HROB: variants seen among roughly 807,000 people sequenced by gnomAD.
HROB encodes homologous recombination OB-fold protein.
Under a neutral mutation model 61.0 loss-of-function variants are expected in HROB, and 44 were observed. That is an observed-to-expected ratio of 0.72 (90% confidence interval 0.57 to 0.93). HROB has a LOEUF of 0.93. HROB is among the 40% of genes least tolerant of loss of function. The pLI is 0.00. For missense variants in HROB, 716 were observed against 796.2 expected (o/e 0.90, Z 1.21); for synonymous variants, 301 against 310.4 (o/e 0.97, Z 0.32).
chr17:44,153,489 C>T (rs183096087), intron 5 of HROB, among the ~76,000 whole-genome samples: 1 of 151,944 alleles, frequency 6.6e-6, no homozygotes, highest in Non-Finnish European at 1.5e-5. Flanking sequence ...CGTGGTGGCT[C>T]ACACCTATAA....
chr17:44,159,137 A>G (rs2054057361), intron 9 of HROB, among the ~76,000 whole-genome samples: 1 of 152,128 alleles, frequency 6.6e-6, no homozygotes, highest in Admixed American at 6.6e-5. Context: ...TCTGGCCCCA[A>G]AGTTCACAGG....
intron 4 of HROB, among the ~76,000 whole-genome samples, chr17:44,152,415 C>T (rs912926162): frequency 1.3e-5 from 2 of 150,766 alleles, no homozygotes; most frequent in African/African-American, 4.9e-5. Context: ...GCTTCAAATG[C>T]CAAAGCAATC....
At chr17:44,157,788 G>T (rs1247584804) in intron 8 of HROB, 45 bp from the exon 9 acceptor site, 1 of 1,487,080 alleles carries the variant, frequency 6.7e-7, no homozygotes. Flanking sequence ...CATCTGAAGG[G>T]ATTTCAGGGA....
intron 5 of HROB, among the ~76,000 whole-genome samples, chr17:44,153,588 A>G (rs1288086294): frequency 6.6e-6 from 1 of 152,170 alleles, no homozygotes; most frequent in Non-Finnish European, 1.5e-5. Context: ...TCTACTAAAA[A>G]TACAAAATTA....
At chr17:44,155,471 G>C in intron 8 of HROB, 60 bp downstream of exon 8, 1 of 1,596,776 alleles carries the variant, frequency 6.3e-7, no homozygotes, top group Non-Finnish European at 8.5e-7. Context: ...TGGATCTTCT[G>C]ATTTCTTCCT....
chr17:44,157,925 A>G lies in HROB; in HGVS notation c.1863A>G (p.Glu621=), dbSNP rs758086747. The change falls in exon 9 of 10, where the codon GAA becomes GAG. Residue 621 remains glutamate (E), a synonymous_variant. Transcript: ENST00000585683. The part of the protein sequence containing the change: ...QNLEAEASPE[E]ELPEADDLDG... Reference sequence around the variant, plus strand: ...TAGAGGCAGAGGCGTCCCCTGAGGAAGAACTCCCAGAAGCAGGTAAAGCAG... The same window carrying G: ...TAGAGGCAGAGGCGTCCCCTGAGGAGGAACTCCCAGAAGCAGGTAAAGCAG... 12 of 1,612,944 alleles carry G rather than the reference A, an allele frequency of 7.4e-6. No individual in the cohort carries two copies. Among genetic ancestry groups the G allele is most frequent in the Non-Finnish European group, 1.0e-5 (12 of 1,179,414 alleles).
chr17:44,147,688 G>T, intron 2 of HROB, 170 bp from the exon 3 acceptor site: 1 of 639,138 alleles, frequency 1.6e-6, no homozygotes, highest in Non-Finnish European at 2.6e-6. Flanking sequence ...CTCCTACCTT[G>T]GCCTCCCAAA....
At chr17:44,153,109 C>T (rs1198972684) in intron 5 of HROB, among the ~76,000 whole-genome samples, 1 of 152,100 alleles carries the variant, frequency 6.6e-6, no homozygotes, top group African/African-American at 2.4e-5. Context: ...CCAACATATC[C>T]CTGCCTGTGA....
chr17:44,160,376 A>G (rs754611801), intron 9 of HROB, among the ~76,000 whole-genome samples: 10 of 151,730 alleles, frequency 6.6e-5, no homozygotes, highest in East Asian at 1.9e-4. Flanking sequence ...GACCATCCTG[A>G]CTAACATGGT....
chr17:44,155,666 TGA>T (rs1280168651), intron 8 of HROB, among the ~76,000 whole-genome samples: 2 of 152,088 alleles, frequency 1.3e-5, no homozygotes, highest in Non-Finnish European at 2.9e-5. Flanking sequence ...CTTGAACATC[TGA>T]GAGGATAGGA....
intron 3 of HROB, among the ~76,000 whole-genome samples, chr17:44,150,156 A>C (rs1224594106): frequency 6.6e-6 from 1 of 152,176 alleles, no homozygotes; most frequent in Non-Finnish European, 1.5e-5. Flanking sequence ...CAGATCCCAG[A>C]TAATTGGACT....
In HROB at chr17:44,148,044, C is replaced by T. The variant is rs758027614; in HGVS notation, c.241C>T (p.Leu81Phe). 2 of 1,614,098 alleles carry T rather than the reference C, an allele frequency of 1.2e-6. No individual in the cohort carries two copies. The highest frequency in any genetic ancestry group is 1.7e-6 in the Non-Finnish European group (2 of 1,180,036). ...ALGLPDLDLCLPASSTPSADS... is the reference protein window; with the variant it reads ...ALGLPDLDLCFPASSTPSADS... ...GGGCCTGCCAGACTTGGACCTCTGC[C>T]TCCCTGCCTCCAGCACGCCCAGTGC... Residue 81 changes from leucine to phenylalanine, a missense_variant, in exon 3 of 10, where the codon CTC (leucine) becomes TTC (phenylalanine). By Grantham distance (22) the Leu-to-Phe change is conservative (BLOSUM62 0). Transcript: ENST00000585683.
Position 44,150,955 on chromosome 17 carries a change from T to C in HROB, c.1225-6T>C. ...GCTCTCATCTTCTCCTTCCCTCCCC[T>C]CTTAGCAGAGTGGGAGAAGTCTGGA... On this transcript the variant is annotated splice_region_variant and splice_polypyrimidine_tract_variant and intron_variant, in intron 3 of 9. Transcript: ENST00000585683. The C allele has an allele frequency of 6.2e-7, 1 of 1,607,046 alleles. No individual in the cohort carries two copies.
intron 8 of HROB, among the ~76,000 whole-genome samples, chr17:44,157,405 C>CTTTTTTTT (rs71160088): frequency 2.9e-4 from 24 of 81,460 alleles, no homozygotes; most frequent in African/African-American, 4.6e-4. Context: ...CATCATGTTT[C>CTTTTTTTT]TTTTTTTTTT....
At chr17:44,159,894 G>A (rs1171009049) in intron 9 of HROB, among the ~76,000 whole-genome samples, 1 of 152,240 alleles carries the variant, frequency 6.6e-6, no homozygotes, top group Non-Finnish European at 1.5e-5. Flanking sequence ...GCATCACAGG[G>A]AGACGTTGAA....
intron 1 of HROB, among the ~76,000 whole-genome samples, chr17:44,143,979 T>G (rs1352266945): frequency 6.6e-6 from 1 of 151,996 alleles, no homozygotes; most frequent in Non-Finnish European, 1.5e-5. Context: ...TTAATCTTTC[T>G]TTCCTTTTTT....
Position 44,162,130 on chromosome 17 carries a change from C to T in HROB, c.*198C>T. 1 of 544,050 alleles carries T rather than the reference C, an allele frequency of 1.8e-6. No individual in the cohort carries two copies. The highest frequency in any genetic ancestry group is 3.2e-6 in the Non-Finnish European group (1 of 312,530). The allele number at this position is 544,050 out of a possible 1,614,324, so 33.7% of individuals were successfully genotyped here. A position where few individuals can be genotyped will look rare whatever the true frequency, so the allele number is the denominator to read the frequency against. On this transcript the variant is annotated 3_prime_UTR_variant, in exon 10 of 10. Transcript: ENST00000585683. ...TGCCCTCACTTTGGGCCTTCCTTTG[C>T]CGTTGGCACCAGAATCCGGCCGGAG... is the stretch of plus-strand genomic sequence containing the variant.
intron 4 of HROB, among the ~76,000 whole-genome samples, chr17:44,152,402 C>T (rs181782190): frequency 2.4e-4 from 36 of 150,588 alleles, no homozygotes; most frequent in African/African-American, 7.3e-4. Context: ...AAGATTTTCA[C>T]GTGCTTCAAA....
intron 2 of HROB, among the ~76,000 whole-genome samples, 155 bp downstream of exon 2, chr17:44,145,408 A>G (rs2053583106): frequency 1.3e-5 from 2 of 152,230 alleles, no homozygotes; most frequent in African/African-American, 4.8e-5. Context: ...AGAAGTGTAA[A>G]CAACCTACTT....
Sources: allele counts gnomAD v4.1 joint callset (sites outside exome capture counted in the v4.1 genomes callset), GRCh38; gene constraint gnomAD v4.1.1; transcripts MANE v1.5; gene names NCBI Gene and HGNC (gene_info 2026-07-23, HGNC 2026-07-21).